Variants in PLCL2 observed in about 807,000 individuals in gnomAD.
PLCL2 encodes inactive phospholipase C-like protein 2.
In PLCL2, 4 loss-of-function variants were observed where a neutral mutation model predicts 79.6. The ratio of observed to expected loss-of-function variants is 0.05; its 90% confidence interval spans 0.02 to 0.11. The LOEUF is 0.11. PLCL2 is among the 10% of genes least tolerant of loss of function. The pLI is 1.00. For synonymous variants in PLCL2, 484 were observed against 457.7 expected (o/e 1.06, Z -0.73); for missense variants, 895 against 1,291.0 (o/e 0.69, Z 4.70).
At chr3:17,030,120 T>A (rs575030554) in intron 3 of PLCL2, among the ~76,000 whole-genome samples, 22 of 152,098 alleles carry the variant, frequency 1.4e-4, no homozygotes, top group Middle Eastern at 3.4e-3. Context: ...AGAAATGGGG[T>A]CTCGCTATGT....
In PLCL2 at chr3:16,887,970, A is replaced by T. The variant is rs1696263572; in HGVS notation, c.327+2604A>T. 6.6e-6 allele frequency among the ~76,000 whole-genome samples: 1 copy of T among 152,076 alleles called. No homozygotes were observed. Among genetic ancestry groups the T allele is most frequent in the Non-Finnish European group, 1.5e-5 (1 of 68,014 alleles). On this transcript the variant is annotated intron_variant, in intron 1 of 5. Coordinates refer to ENST00000615277, the MANE Select transcript of PLCL2 (RefSeq NM_001144382.2). This position sits in a 1 kb window ranked among gnomAD's most constrained non-coding sequence, Gnocchi z 4.1. Reference sequence around the variant, plus strand: ...AGGTGATAATTGGGGACTTGAGGGAATAGCAGGGAGTGAATGCTACCTGGG... The same window carrying T: ...AGGTGATAATTGGGGACTTGAGGGATTAGCAGGGAGTGAATGCTACCTGGG...
intron 4 of PLCL2, among the ~76,000 whole-genome samples, chr3:17,059,895 G>C (rs2064931552): frequency 6.6e-6 from 1 of 152,174 alleles, no homozygotes; most frequent in Admixed American, 6.5e-5. Flanking sequence ...TGGACAGGCT[G>C]CAGTCTGCAG....
intron 1 of PLCL2, among the ~76,000 whole-genome samples, chr3:16,991,768 C>T (rs115788687): frequency 5.3e-5 from 8 of 152,042 alleles, no homozygotes; most frequent in African/African-American, 1.4e-4. Flanking sequence ...AAAAGTACAA[C>T]TAAATTACTT....
intron 5 of PLCL2, among the ~76,000 whole-genome samples, chr3:17,069,074 C>T (rs951451510): frequency 6.6e-6 from 1 of 152,128 alleles, no homozygotes; most frequent in African/African-American, 2.4e-5. Context: ...AAAAGGCCTA[C>T]ATATTATATT....
At chr3:16,949,748 T>C (rs1290623103) in intron 1 of PLCL2, among the ~76,000 whole-genome samples, 1 of 152,226 alleles carries the variant, frequency 6.6e-6, no homozygotes. Flanking sequence ...ACGCAAGTAA[T>C]GTAGTCATTT....
At position 17,012,025 on chromosome 3, in the gene PLCL2, C is replaced by G. The variant is rs754415324; in HGVS notation, c.2679C>G (p.Gly893=). The G allele has an allele frequency of 1.9e-6, 3 of 1,614,124 alleles. No individual in the cohort carries two copies. The highest frequency in any genetic ancestry group is 2.5e-6 in the Non-Finnish European group (3 of 1,180,002). The part of the protein sequence containing the change: ...RRGGGKPHKR[G]LSVRKGKKSR... ...GAGGAGGAAAGCCTCATAAAAGGGG[C>G]CTTTCTGTGAGAAAAGGGAAGAAAT... is the stretch of plus-strand genomic sequence containing the variant. The change falls in exon 2 of 6, where the codon GGC becomes GGG. Residue 893 remains glycine (G), a synonymous_variant. Coordinates refer to ENST00000615277, the MANE Select transcript of PLCL2 (RefSeq NM_001144382.2).
rs547582289 is a variant in PLCL2 at position 16,904,306 on chromosome 3, C to CAAAAAAAAAAAAA, written c.327+18951_327+18952insAAAAAAAAAAAAA. Reference sequence around the variant, plus strand: ...CCTTAACCTTTTCAAGAGATCTTGACAAAAAAAAAAAGCAAACTTTGGAGT... The same window carrying CAAAAAAAAAAAAA: ...CCTTAACCTTTTCAAGAGATCTTGACAAAAAAAAAAAAAAAAAAAAAAAAGCAAACTTTGGAGT... On this transcript the variant is annotated intron_variant, in intron 1 of 5. Coordinates refer to ENST00000615277, the MANE Select transcript of PLCL2 (RefSeq NM_001144382.2). Among the ~76,000 whole-genome samples the CAAAAAAAAAAAAA allele has an allele frequency of 2.5e-4, 29 of 116,104 alleles. 1 individual carries two copies. Among genetic ancestry groups the CAAAAAAAAAAAAA allele is most frequent in the African/African-American group, 8.6e-4 (26 of 30,182 alleles). The allele number at this position is 116,104 out of a possible 152,430, so 76.2% of individuals were successfully genotyped here.
chr3:17,004,831 A>C (rs1259433411), intron 1 of PLCL2, among the ~76,000 whole-genome samples: 2 of 152,106 alleles, frequency 1.3e-5, no homozygotes, highest in African/African-American at 4.8e-5. Context: ...TCTAACCCCC[A>C]GTTTCTCAAC....
chr3:16,916,674 TAA>T (rs1257654409), intron 1 of PLCL2, among the ~76,000 whole-genome samples: 6 of 152,324 alleles, frequency 3.9e-5, no homozygotes. Context: ...TCTTTTTAAT[TAA>T]GAGGAAAAGT....
At chr3:16,888,119 C>G (rs1696267116) in intron 1 of PLCL2, among the ~76,000 whole-genome samples, 1 of 152,092 alleles carries the variant, frequency 6.6e-6, no homozygotes, top group Admixed American at 6.6e-5. Context: ...ATCCTTAAAT[C>G]AGAGGGAGAA....
intron 1 of PLCL2, among the ~76,000 whole-genome samples, chr3:16,972,273 C>T (rs990223043): frequency 2.0e-5 from 3 of 152,040 alleles, no homozygotes; most frequent in Non-Finnish European, 2.9e-5. Flanking sequence ...TTGTATATCT[C>T]GAAAACCCCA....
At chr3:16,989,659 T>C (rs2064084152) in intron 1 of PLCL2, among the ~76,000 whole-genome samples, 1 of 151,716 alleles carries the variant, frequency 6.6e-6, no homozygotes, top group Admixed American at 6.6e-5. Context: ...TGGACACCAT[T>C]GATGTAGACA....
chr3:16,960,814 C>T (rs992090615), intron 1 of PLCL2, among the ~76,000 whole-genome samples: 1 of 152,218 alleles, frequency 6.6e-6, no homozygotes, highest in Non-Finnish European at 1.5e-5. Context: ...TCCTAACTTA[C>T]TTTAAGCTTA....
intron 1 of PLCL2, among the ~76,000 whole-genome samples, chr3:16,914,556 T>G (rs1696950455): frequency 6.6e-6 from 1 of 152,022 alleles, no homozygotes; most frequent in East Asian, 1.9e-4. Flanking sequence ...CCAATTTCAT[T>G]GTATTAAAAT....
intron 4 of PLCL2, among the ~76,000 whole-genome samples, chr3:17,051,354 A>T (rs1489739174): frequency 6.6e-6 from 1 of 152,166 alleles, no homozygotes; most frequent in Non-Finnish European, 1.5e-5. Flanking sequence ...AAGTGGATAG[A>T]TATTCCATTT....
chr3:16,986,550 C>T (rs1434502832), intron 1 of PLCL2, among the ~76,000 whole-genome samples: 1 of 152,044 alleles, frequency 6.6e-6, no homozygotes, highest in Non-Finnish European at 1.5e-5. Flanking sequence ...TACAGATGCA[C>T]ACCACCACAC....
chr3:16,939,740 G>A (rs1257142175), intron 1 of PLCL2, among the ~76,000 whole-genome samples: 1 of 152,198 alleles, frequency 6.6e-6, no homozygotes, highest in African/African-American at 2.4e-5. Flanking sequence ...TGTTTACACT[G>A]CACAAAATAT....
intron 1 of PLCL2, among the ~76,000 whole-genome samples, chr3:16,968,268 A>C (rs2063825520): frequency 1.3e-5 from 2 of 152,124 alleles, no homozygotes; most frequent in Non-Finnish European, 2.9e-5. Flanking sequence ...TTTTGGTTCC[A>C]TACCAATTTT....
chr3:17,067,445 T>TA (rs1461857001), intron 4 of PLCL2, among the ~76,000 whole-genome samples: 2 of 152,332 alleles, frequency 1.3e-5, no homozygotes, highest in African/African-American at 2.4e-5. Context: ...AATGCAGAGT[T>TA]AGAGTTCAGG....
Sources: gnomAD v4.1 joint callset for allele counts (sites outside exome capture counted in the v4.1 genomes callset) on GRCh38, gnomAD v4.1.1 for gene constraint, Gnocchi (gnomAD v3.1) non-coding constraint, MANE v1.5 for transcripts, NCBI Gene and HGNC (gene_info 2026-07-23, HGNC 2026-07-21) for gene names.